ADGRL1: variants seen among roughly 807,000 people sequenced by gnomAD.
ADGRL1 encodes the protein CIRL-1.
ADGRL1 carries 31 observed loss-of-function variants against 148.9 expected under a neutral mutation model. The observed-to-expected ratio is 0.21, with a 90% CI of 0.16 to 0.28. The LOEUF (loss-of-function observed/expected upper bound fraction) is 0.28, where lower values mean the gene tolerates loss of function less well. Among genes scored for constraint, ADGRL1 ranks in the 10% least tolerant of loss-of-function variants. The probability of loss-of-function intolerance (pLI) is 1.00; values close to 1 mark genes in which losing one functional copy is unlikely to be tolerated. For synonymous variants in ADGRL1, 937 were observed against 900.3 expected, an observed-to-expected ratio of 1.04 and a Z score of -0.73; for missense variants, 1,521 against 2,058.8, an observed-to-expected ratio of 0.74 and a Z score of 5.05.
chr19:14,189,213 C>T (rs1971777263), intron 1 of ADGRL1, among the ~76,000 whole-genome samples: 1 of 149,572 alleles, frequency 6.7e-6, no homozygotes, highest in Non-Finnish European at 1.5e-5. Context: ...GGCTATGTGG[C>T]CTTTTTTTTT....
intron 3 of ADGRL1, among the ~76,000 whole-genome samples, chr19:14,173,936 T>C (rs1032630795): frequency 1.0e-5 from 1 of 96,864 alleles, no homozygotes; most frequent in Non-Finnish European, 1.9e-5. Flanking sequence ...AGAGCAAGAC[T>C]CCGTCTCAAA....
chr19:14,168,038 G>A (rs995850481), intron 4 of ADGRL1, among the ~76,000 whole-genome samples: 1 of 152,080 alleles, frequency 6.6e-6, no homozygotes, highest in East Asian at 1.9e-4. Flanking sequence ...CACACATCAC[G>A]TGCCCCCTGC....
intron 1 of ADGRL1, among the ~76,000 whole-genome samples, chr19:14,195,528 C>T (rs969773024): frequency 2.0e-5 from 3 of 152,034 alleles, no homozygotes; most frequent in Non-Finnish European, 4.4e-5. Flanking sequence ...TGGTCTCCTC[C>T]CTTCCTGGCA....
chr19:14,170,430 G>A (rs781461516), intron 4 of ADGRL1: 25 of 420,574 alleles, frequency 5.9e-5, no homozygotes, highest in Non-Finnish European at 8.8e-5. Flanking sequence ...AGGGTGAGTG[G>A]GCTGGGGTAA....
At chr19:14,203,696 C>A (rs57418284) in intron 1 of ADGRL1, among the ~76,000 whole-genome samples, 2,176 of 152,238 alleles carry the variant, frequency 0.014, 47 homozygotes, top group African/African-American at 0.049. Flanking sequence ...CGAGTCCCCC[C>A]CTTCCACCCC....
chr19:14,152,408 G>A lies in ADGRL1; in HGVS notation c.3550C>T (p.Pro1184Ser). ...GTMGNHLLTN[P>S]VLQPRGGTSP... The stretch of plus-strand genomic sequence containing the variant: ...GTGCCCCCACGGGGCTGCAGCACGG[G>A]GTTGGTCAGCAGGTGGTTCCCCATG... The change falls in exon 21 of 23, where the codon CCC becomes TCC. Residue 1184 changes from proline to serine, a missense_variant. By Grantham distance (74) the Pro-to-Ser change is moderately conservative (BLOSUM62 -1). Coordinates refer to ENST00000361434, the MANE Select transcript of ADGRL1 (RefSeq NM_014921.5). This position sits in a 1 kb window ranked among gnomAD's most constrained non-coding sequence, Gnocchi z 6.1. 4 of 1,601,752 alleles carry A rather than the reference G, an allele frequency of 2.5e-6. No homozygotes were observed. Among genetic ancestry groups the A allele is most frequent in the Non-Finnish European group, 3.4e-6 (4 of 1,171,698 alleles).
rs752164846 is a variant in ADGRL1, at chr19:14,160,208, AGAG to A, written c.1701_1703del (p.Ser568del). 2 of 1,602,786 alleles carry A rather than the reference AGAG, an allele frequency of 1.2e-6. No individual in the cohort carries two copies. The highest frequency in any genetic ancestry group is 1.7e-6 in the Non-Finnish European group (2 of 1,170,926). ...CCAGCAGCTGCTCCATCAGCTTCAC[AGAG>A]GAGGAGACGTCCCCCGCGTAGATGG... On this transcript the variant is annotated inframe_deletion, in exon 8 of 23. Transcript: ENST00000361434. This position sits in a 1 kb window ranked among gnomAD's most constrained non-coding sequence, Gnocchi z 5.9.
chr19:14,153,619 G>A (rs1458786696), intron 18 of ADGRL1, among the ~76,000 whole-genome samples: 1 of 147,602 alleles, frequency 6.8e-6, no homozygotes, highest in Non-Finnish European at 1.5e-5. Context: ...GTAGAGACGG[G>A]GTTTCACCAT....
chr19:14,156,745 G>T, intron 15 of ADGRL1, 21 bp from the exon 16 acceptor site: 1 of 1,602,552 alleles, frequency 6.2e-7, no homozygotes, highest in Non-Finnish European at 8.5e-7. Context: ...AACAGGGCCG[G>T]GGTATAGAGA....
chr19:14,193,110 G>A (rs972408652), intron 1 of ADGRL1, among the ~76,000 whole-genome samples: 5 of 152,072 alleles, frequency 3.3e-5, no homozygotes, highest in South Asian at 2.1e-4. Flanking sequence ...CCAGGAGCAC[G>A]ACGCCCTCTC....
rs71170599 is a variant in ADGRL1 at position 14,163,465 on chromosome 19, G to GGAGAGAGAGAGAGAGAGAGA, written c.395-79_395-60dup. 48 of 702,322 alleles carry GGAGAGAGAGAGAGAGAGAGA rather than the reference G, an allele frequency of 6.8e-5. No individual in the cohort carries two copies. The African/African-American group carries it at 7.7e-4, about 11-fold the overall frequency. 43.5% of individuals were successfully genotyped at this position (702,322 alleles called of 1,614,324 possible). A position where few individuals can be genotyped will look rare whatever the true frequency, so the allele number is the denominator to read the frequency against. The stretch of plus-strand genomic sequence containing the variant: ...AGAGAAGGGGCAGAGGCGAGAGGGA[G>GGAGAGAGAGAGAGAGAGAGA]GAGAGAGAGAGAGAGAGAGAGAGAG... On this transcript the variant is annotated intron_variant, in intron 4 of 22. Coordinates refer to ENST00000361434, the MANE Select transcript of ADGRL1 (RefSeq NM_014921.5).
At position 14,183,539 on chromosome 19, in the gene ADGRL1, T is replaced by C; in HGVS notation, c.64A>G (p.Thr22Ala). 1 of 1,575,380 alleles carries C rather than the reference T, an allele frequency of 6.3e-7. No homozygotes were observed. The highest frequency in any genetic ancestry group is 1.3e-5 in the African/African-American group (1 of 74,082). The part of the protein sequence containing the change: ...CVTAVLVTSA[T>A]QGLSRAGLPF... ...CGGCCCCAGCAGCACCTACCTTGGG[T>C]GGCCGAGGTGACCAGGACGGCGGTG... The change falls in exon 2 of 23, where the codon ACC (threonine) becomes GCC (alanine). Residue 22 changes from threonine to alanine, a missense_variant. Transcript: ENST00000361434.
intron 3 of ADGRL1, among the ~76,000 whole-genome samples, chr19:14,176,729 C>G (rs551581797): frequency 1.7e-4 from 26 of 152,046 alleles, no homozygotes; most frequent in African/African-American, 5.5e-4. Context: ...GTCCCAGCTA[C>G]TCAGGAGGCT....
intron 4 of ADGRL1, 90 bp from the exon 5 acceptor site, chr19:14,163,496 G>T: frequency 2.1e-6 from 2 of 965,306 alleles, no homozygotes; most frequent in East Asian, 5.4e-5. Flanking sequence ...GAGAGAGAGA[G>T]AGGGGGGAGA....
intron 1 of ADGRL1, among the ~76,000 whole-genome samples, chr19:14,200,515 G>C (rs1398570426): frequency 6.6e-6 from 1 of 152,220 alleles, no homozygotes; most frequent in African/African-American, 2.4e-5. Flanking sequence ...GAAGAGAAAA[G>C]AGAACAGGCC....
intron 4 of ADGRL1, among the ~76,000 whole-genome samples, chr19:14,165,168 T>G (rs912263442): frequency 6.6e-6 from 1 of 152,052 alleles, no homozygotes; most frequent in African/African-American, 2.4e-5. Flanking sequence ...AGGGGCCCCC[T>G]GGCACAAAGC....
chr19:14,160,547 T>C lies in ADGRL1; in HGVS notation c.1614+46A>G, dbSNP rs1202806554. 2 of 1,409,086 alleles carry C rather than the reference T, an allele frequency of 1.4e-6. No individual in the cohort carries two copies. Among genetic ancestry groups the C allele is most frequent in the Admixed American group, 2.2e-5 (1 of 45,886 alleles). 87.3% of individuals were successfully genotyped at this position (1,409,086 alleles called of 1,614,324 possible). A position where few individuals can be genotyped will look rare whatever the true frequency, so the allele number is the denominator to read the frequency against. On this transcript the variant is annotated intron_variant, in intron 7 of 22. Coordinates refer to ENST00000361434, the MANE Select transcript of ADGRL1 (RefSeq NM_014921.5). The surrounding 1 kb of genome is among the most constrained non-coding windows in gnomAD (Gnocchi z 5.9). ...ACGACCCCCGCTGGGCCCTGGGCCC[T>C]GGGCCCGAGCACATGTGCCTGCCTG...
At position 14,151,052 on chromosome 19, in the gene ADGRL1, GT is replaced by G; in HGVS notation, c.4230del (p.Gly1413AlafsTer115). 1.3e-6 allele frequency: 2 copies of G among 1,494,364 alleles called. No homozygotes were observed. Among genetic ancestry groups the G allele is most frequent in the Admixed American group, 2.3e-5 (1 of 44,374 alleles). The allele number at this position is 1,494,364 out of a possible 1,614,324, so 92.6% of individuals were successfully genotyped here. ...PSEALPPPPP[A>X]PPGPPEIYYT... ...TAGTAGATTTCGGGGGGGCCGGGGG[GT>G]GCGGGAGGGGGTGGGGGCAGGGCCT... On this transcript the variant is annotated frameshift_variant, in exon 23 of 23. Transcript: ENST00000361434. LOFTEE classifies it high-confidence loss of function.
chr19:14,186,183 C>T (rs755406505), intron 1 of ADGRL1, among the ~76,000 whole-genome samples: 4 of 152,146 alleles, frequency 2.6e-5, no homozygotes, highest in Non-Finnish European at 5.9e-5. Flanking sequence ...CTCGGCCTCC[C>T]TAGTAGCTGA....
Sources: allele counts gnomAD v4.1 joint callset (sites outside exome capture counted in the v4.1 genomes callset), GRCh38; gene constraint gnomAD v4.1.1; non-coding constraint Gnocchi (gnomAD v3.1); transcripts MANE v1.5; gene names NCBI Gene and HGNC (gene_info 2026-07-23, HGNC 2026-07-21).